RANBP10: variants seen among roughly 807,000 people sequenced by gnomAD.
RANBP10 encodes RAN binding protein 10, also known as ran-binding protein 10.
A neutral mutation model predicts 72.8 loss-of-function variants in RANBP10; 24 were observed. The ratio of observed to expected loss-of-function variants is 0.33; its 90% CI spans 0.24 to 0.46. The LOEUF (loss-of-function observed/expected upper bound fraction) is 0.46. Ranked by LOEUF, RANBP10 falls within the 20% of genes least tolerant of loss-of-function variation. The probability of loss-of-function intolerance (pLI) is 1.00; values close to 1 mark genes in which losing one functional copy is unlikely to be tolerated. For missense variants in RANBP10, 679 were observed against 817.5 expected (o/e 0.83, Z 2.07); for synonymous variants, 310 against 322.3 (o/e 0.96, Z 0.41).
intron 3 of RANBP10, among the ~76,000 whole-genome samples, chr16:67,769,745 CAAAAAAAA>C (rs58319144): frequency 2.2e-4 from 6 of 27,718 alleles, no homozygotes; most frequent in Admixed American, 1.3e-3. Context: ...GACTCCGTCT[CAAAAAAAA>C]AAAAAAAAAA....
At chr16:67,794,952 A>C (rs1227707062) in intron 2 of RANBP10, among the ~76,000 whole-genome samples, 2 of 150,968 alleles carry the variant, frequency 1.3e-5, no homozygotes, top group Non-Finnish European at 3.0e-5. Flanking sequence ...AAAACAAAAA[A>C]AAAAAACAGC....
rs1033937253 is a variant in RANBP10 at position 67,723,705 on chromosome 16, C to G, written c.*2723G>C. ...GGCTGCTCCCCAGGGCCGGACAAAC[C>G]AAGAAAGCCAGGTCTTCCTCCTGCC... On this transcript the variant is annotated 3_prime_UTR_variant, in exon 14 of 14. Coordinates refer to ENST00000317506, the MANE Select transcript of RANBP10 (RefSeq NM_020850.3). 2 of 152,338 alleles carry G rather than the reference C, an allele frequency of 1.3e-5. No homozygotes were observed. The highest frequency in any genetic ancestry group is 4.8e-5 in the African/African-American group (2 of 41,450). The allele number at this position is 152,338 out of a possible 1,614,324, so 9.4% of individuals were successfully genotyped here. A position where few individuals can be genotyped will look rare whatever the true frequency, so the allele number is the denominator to read the frequency against.
chr16:67,796,026 C>G (rs1480066608), intron 2 of RANBP10, among the ~76,000 whole-genome samples: 1 of 150,360 alleles, frequency 6.7e-6, no homozygotes, highest in Non-Finnish European at 1.5e-5. Flanking sequence ...AAGTGATTCT[C>G]CTGACTCAGC....
intron 3 of RANBP10, among the ~76,000 whole-genome samples, chr16:67,753,708 G>C (rs1597861656): frequency 6.6e-6 from 1 of 152,294 alleles, no homozygotes; most frequent in Non-Finnish European, 1.5e-5. Flanking sequence ...CTGGAGCTGA[G>C]CGAGACTTAG....
intron 2 of RANBP10, among the ~76,000 whole-genome samples, chr16:67,774,664 G>C (rs2054666392): frequency 6.6e-6 from 1 of 152,158 alleles, no homozygotes; most frequent in African/African-American, 2.4e-5. Flanking sequence ...AATGACACAG[G>C]GAGCAGCCCC....
intron 6 of RANBP10, among the ~76,000 whole-genome samples, chr16:67,733,822 A>T (rs1205199633): frequency 6.6e-6 from 1 of 152,172 alleles, no homozygotes; most frequent in East Asian, 1.9e-4. Flanking sequence ...AAAAACCCCA[A>T]AACAAAAACA....
intron 3 of RANBP10, among the ~76,000 whole-genome samples, chr16:67,760,416 C>T (rs146356720): frequency 4.6e-5 from 7 of 152,214 alleles, no homozygotes; most frequent in Non-Finnish European, 7.3e-5. Flanking sequence ...GTTTGCAGAA[C>T]GTGTCCTACC....
At chr16:67,733,053 C>CAAA (rs770521202) in intron 6 of RANBP10, among the ~76,000 whole-genome samples, 13 of 43,730 alleles carry the variant, frequency 3.0e-4, no homozygotes, top group East Asian at 7.0e-4. Context: ...GACTCCATCT[C>CAAA]AAAAAAAAAA....
Position 67,806,229 on chromosome 16 carries a change from G to C in RANBP10, c.235+73C>G, listed in dbSNP as rs565835476. On this transcript the variant is annotated intron_variant, in intron 1 of 13. Transcript: ENST00000317506. ...CTAGGCAGGGAAAGGGAGGTGATAG[G>C]GCGGGGGCCTGGCAGCAGAGCCACC... 51 of 1,390,556 alleles carry C rather than the reference G, an allele frequency of 3.7e-5. No individual in the cohort carries two copies. The African/African-American group carries it at 5.6e-4, about 15-fold the overall frequency. 86.1% of individuals were successfully genotyped at this position (1,390,556 alleles called of 1,614,324 possible). A position where few individuals can be genotyped will look rare whatever the true frequency, so the allele number is the denominator to read the frequency against.
chr16:67,726,480 C>A lies in RANBP10; in HGVS notation c.1811G>T (p.Arg604Leu). The change falls in exon 14 of 14, where the codon CGA (arginine) becomes CTA (leucine). Residue 604 changes from arginine (R) to leucine (L), a missense_variant. By Grantham distance (102) the Arg-to-Leu change is moderately radical. Coordinates refer to ENST00000317506, the MANE Select transcript of RANBP10 (RefSeq NM_020850.3). The stretch of plus-strand genomic sequence containing the variant: ...AAAGGAGCAAGAACCCAGGCCTGCT[C>A]GGGCCATGAGCCGGAGACACTCAGA... ...QASECLRLMA[R>L]AGLGSCSFAR... 1 of 1,604,512 alleles carries A rather than the reference C, an allele frequency of 6.2e-7. No homozygotes were observed. Among genetic ancestry groups the A allele is most frequent in the South Asian group, 1.1e-5 (1 of 89,484 alleles).
intron 5 of RANBP10, among the ~76,000 whole-genome samples, chr16:67,737,146 T>TTTTTG (rs1491091761): frequency 0.059 from 101 of 1,716 alleles, 2 homozygotes; most frequent in African/African-American, 0.085. Context: ...TCCTTTTCTG[T>TTTTTG]TTTTTTTTTT....
At chr16:67,798,936 A>AT (rs2055182079) in intron 2 of RANBP10, among the ~76,000 whole-genome samples, 1 of 151,888 alleles carries the variant, frequency 6.6e-6, no homozygotes, top group Non-Finnish European at 1.5e-5. Context: ...TTTCTTTTTT[A>AT]TTTTTTTAAG....
At chr16:67,728,666 C>T in intron 10 of RANBP10, 155 bp from the exon 11 acceptor site, 2 of 1,395,076 alleles carry the variant, frequency 1.4e-6, no homozygotes, top group African/African-American at 1.4e-5. Context: ...GTCTTCAGCA[C>T]TTGGCCCCTA....
At chr16:67,768,798 G>A (rs2054551085) in intron 3 of RANBP10, among the ~76,000 whole-genome samples, 1 of 152,156 alleles carries the variant, frequency 6.6e-6, no homozygotes, top group Non-Finnish European at 1.5e-5. Flanking sequence ...CTACCTAAAA[G>A]ACAAACATGA....
intron 2 of RANBP10, among the ~76,000 whole-genome samples, chr16:67,797,762 G>A (rs2055159195): frequency 6.6e-6 from 1 of 152,062 alleles, no homozygotes; most frequent in Admixed American, 6.6e-5. Context: ...AGTGAGCCGA[G>A]ATCACTCCAC....
intron 2 of RANBP10, among the ~76,000 whole-genome samples, chr16:67,775,317 T>C (rs1200844549): frequency 3.3e-5 from 5 of 151,344 alleles, no homozygotes; most frequent in African/African-American, 9.7e-5. Context: ...CTTCGAAAAA[T>C]AAATTTAAAA....
rs1034129473 is a variant in RANBP10, at chr16:67,729,286, T to C, written c.1346A>G (p.Glu449Gly). Reference protein sequence around the residue: ...SQHHSSTSNQETSDSEMEMEA... With the variant: ...SQHHSSTSNQGTSDSEMEMEA... ...AGCAGAGCAAGGCAGGCACCTGGTCTCCTGGTTACTGGTACTGCTGTGGTG... is the reference window on the plus strand; with the variant it reads ...AGCAGAGCAAGGCAGGCACCTGGTCCCCTGGTTACTGGTACTGCTGTGGTG... Residue 449 changes from glutamate to glycine, a missense_variant, in exon 10 of 14, where the codon GAG (glutamate) becomes GGG (glycine). By Grantham distance (98) the Glu-to-Gly change is moderately conservative (BLOSUM62 -2). Coordinates refer to ENST00000317506, the MANE Select transcript of RANBP10 (RefSeq NM_020850.3). The surrounding 1 kb of genome is among the most constrained non-coding windows in gnomAD (Gnocchi z 7.1). The C allele has an allele frequency of 8.1e-6, 13 of 1,612,156 alleles. No homozygotes were observed. In the African/African-American group the frequency reaches 9.3e-5, roughly 12 times the overall value.
At chr16:67,765,646 C>T (rs1255367200) in intron 3 of RANBP10, among the ~76,000 whole-genome samples, 1 of 151,834 alleles carries the variant, frequency 6.6e-6, no homozygotes, top group Non-Finnish European at 1.5e-5. Flanking sequence ...ACCATCCTGG[C>T]TAACACGGTG....
intron 13 of RANBP10, 89 bp downstream of exon 13, chr16:67,727,238 G>T: frequency 7.8e-7 from 1 of 1,274,944 alleles, no homozygotes; most frequent in South Asian, 1.5e-5. Context: ...GGTGGAGATT[G>T]CTGTGAGCCA....
Sources: gnomAD v4.1 joint callset for allele counts (sites outside exome capture counted in the v4.1 genomes callset) on GRCh38, gnomAD v4.1.1 for gene constraint, Gnocchi (gnomAD v3.1) non-coding constraint, MANE v1.5 for transcripts, NCBI Gene and HGNC (gene_info 2026-07-23, HGNC 2026-07-21) for gene names.